The following PGBD5 variants were observed in gnomAD, a reference collection of about 807,000 sequenced individuals.
The protein encoded by PGBD5 is piggyBac transposable element-derived protein 5.
PGBD5 carries 14 observed loss-of-function variants against 47.9 expected under a neutral mutation model. The observed-to-expected ratio is 0.29, with a 90% CI of 0.19 to 0.46. The LOEUF (loss-of-function observed/expected upper bound fraction) is 0.46. Ranked by LOEUF, PGBD5 falls within the 20% of genes least tolerant of loss-of-function variation. PGBD5 has a pLI of 1.00. For synonymous variants in PGBD5, 316 were observed against 306.3 expected, an observed-to-expected ratio of 1.03 and a Z score of -0.33; for missense variants, 635 against 716.0, an observed-to-expected ratio of 0.89 and a Z score of 1.29.
intron 5 of PGBD5, among the ~76,000 whole-genome samples, chr1:230,327,187 G>T (rs2102811846): frequency 6.6e-6 from 1 of 152,190 alleles, no homozygotes; most frequent in South Asian, 2.1e-4. Flanking sequence ...CAGCAGCAAG[G>T]GACTATGGGC....
At chr1:230,331,742 C>T (rs1034342250) in intron 5 of PGBD5, among the ~76,000 whole-genome samples, 29 of 151,650 alleles carry the variant, frequency 1.9e-4, no homozygotes, top group African/African-American at 5.8e-4. Flanking sequence ...CAATGTCCTG[C>T]CACAGCCCCT....
intron 1 of PGBD5, among the ~76,000 whole-genome samples, chr1:230,396,191 C>A (rs1207274704): frequency 9.9e-6 from 1 of 101,362 alleles, no homozygotes; most frequent in Non-Finnish European, 1.9e-5. Context: ...TTCCTTTTTA[C>A]CCCCCCACTC....
chr1:230,414,764 G>A (rs1336079007), intron 1 of PGBD5, among the ~76,000 whole-genome samples: 3 of 152,186 alleles, frequency 2.0e-5, no homozygotes, highest in Non-Finnish European at 4.4e-5. Context: ...ATTCACCTTC[G>A]ATGCTGGGAC....
rs1024584305 is a variant in PGBD5, at chr1:230,357,865, A to G, written c.332-544T>C. ...AAAATTAAAATGTGCATATTTATAC[A>G]TATAAATTAAAAGCACTGTCTGCCA... On this transcript the variant is annotated intron_variant, in intron 1 of 6. Coordinates refer to ENST00000391860, the MANE Select transcript of PGBD5 (RefSeq NM_001258311.2). This position sits in a 1 kb window ranked among gnomAD's most constrained non-coding sequence, Gnocchi z 5.7. Among the ~76,000 whole-genome samples the G allele has an allele frequency of 6.6e-6, 1 of 152,186 alleles. No homozygotes were observed. Among genetic ancestry groups the G allele is most frequent in the Non-Finnish European group, 1.5e-5 (1 of 68,032 alleles).
At chr1:230,382,339 G>C (rs954237205) in intron 1 of PGBD5, among the ~76,000 whole-genome samples, 5 of 152,190 alleles carry the variant, frequency 3.3e-5, no homozygotes, top group African/African-American at 1.2e-4. Flanking sequence ...CCTAATGATG[G>C]AATTTCAGGA....
At chr1:230,362,370 C>A (rs200405527) in intron 1 of PGBD5, 425 of 1,365,642 alleles carry the variant, frequency 3.1e-4, no homozygotes, top group Non-Finnish European at 3.8e-4. Flanking sequence ...GCTGTCGCTG[C>A]CTCTGGCCTG....
chr1:230,323,917 G>A lies in PGBD5; in HGVS notation c.1380-297C>T, dbSNP rs1667076051. 6.6e-6 allele frequency among the ~76,000 whole-genome samples: 1 copy of A among 152,336 alleles called. No homozygotes were observed. The highest frequency in any genetic ancestry group is 2.1e-4 in the South Asian group (1 of 4,828). On this transcript the variant is annotated intron_variant, in intron 6 of 6. Coordinates refer to ENST00000391860, the MANE Select transcript of PGBD5 (RefSeq NM_001258311.2). The surrounding 1 kb of genome is among the most constrained non-coding windows in gnomAD (Gnocchi z 4.1). ...TGGCGCACAGCCCCGGAGTGGACAG[G>A]CGCCTGCCAGCCTCTCCAGCTTCCC...
At chr1:230,390,704 C>T (rs1367046303) in intron 1 of PGBD5, among the ~76,000 whole-genome samples, 1 of 152,104 alleles carries the variant, frequency 6.6e-6, no homozygotes, top group African/African-American at 2.4e-5. Context: ...AAGAAGCCCA[C>T]TTGTTGGGTG....
At chr1:230,354,876 A>G (rs997748812) in intron 2 of PGBD5, among the ~76,000 whole-genome samples, 2 of 152,238 alleles carry the variant, frequency 1.3e-5, no homozygotes, top group Non-Finnish European at 2.9e-5. Context: ...TCCCAAATAC[A>G]GTAAAATAAA....
intron 1 of PGBD5, among the ~76,000 whole-genome samples, chr1:230,383,169 G>T (rs188980477): frequency 6.6e-6 from 1 of 151,566 alleles, no homozygotes; most frequent in East Asian, 1.9e-4. Context: ...TCACAGGCTC[G>T]AGCAATCCTC....
chr1:230,343,562 C>A (rs1667437396), intron 3 of PGBD5, among the ~76,000 whole-genome samples: 2 of 152,216 alleles, frequency 1.3e-5, no homozygotes, highest in South Asian at 4.1e-4. Context: ...CTCAGCCAAT[C>A]CCATCCTCAA....
intron 1 of PGBD5, among the ~76,000 whole-genome samples, chr1:230,408,500 A>G (rs1285286134): frequency 6.6e-6 from 1 of 152,214 alleles, no homozygotes; most frequent in Non-Finnish European, 1.5e-5. Flanking sequence ...ATGACTGTAG[A>G]GCAATACATA....
chr1:230,352,772 T>C (rs1023369369), intron 2 of PGBD5, among the ~76,000 whole-genome samples: 1 of 152,022 alleles, frequency 6.6e-6, no homozygotes, highest in Admixed American at 6.6e-5. Context: ...TTTGGAACTA[T>C]TCAAGTGCAA....
intron 2 of PGBD5, among the ~76,000 whole-genome samples, chr1:230,352,090 G>A (rs1006804628): frequency 1.1e-4 from 13 of 117,670 alleles, no homozygotes; most frequent in African/African-American, 4.7e-4. Flanking sequence ...AACTCTACAC[G>A]ATGCCCTAGA....
chr1:230,402,637 T>G (rs1215162001), intron 1 of PGBD5, among the ~76,000 whole-genome samples: 1 of 152,100 alleles, frequency 6.6e-6, no homozygotes, highest in African/African-American at 2.4e-5. Flanking sequence ...AAATTTTTTG[T>G]AGAGATTTTG....
chr1:230,392,154 C>A (rs1264813992), intron 1 of PGBD5, among the ~76,000 whole-genome samples: 1 of 152,184 alleles, frequency 6.6e-6, no homozygotes, highest in African/African-American at 2.4e-5. Context: ...GGGGCTGATC[C>A]CCAGCTGCCA....
In PGBD5 at chr1:230,387,683, G is replaced by A. The variant is rs186710567; in HGVS notation, c.332-30362C>T. Among the ~76,000 whole-genome samples the A allele has an allele frequency of 3.3e-5, 5 of 152,262 alleles. No individual in the cohort carries two copies. In the East Asian group the frequency reaches 9.7e-4, roughly 29 times the overall value. On this transcript the variant is annotated intron_variant, in intron 1 of 6. Transcript: ENST00000391860. ...TAGAAGGGTGGTGATTCGGGTTAAG[G>A]AGGTCCACAGCCCCCAGGGAAGAAG...
At chr1:230,412,458 G>C (rs1315150613) in intron 1 of PGBD5, among the ~76,000 whole-genome samples, 1 of 141,412 alleles carries the variant, frequency 7.1e-6, no homozygotes, top group East Asian at 2.1e-4. Context: ...GCGTGATCTT[G>C]GCTCACTGCA....
chr1:230,326,128 C>T (rs1445013707), intron 5 of PGBD5, among the ~76,000 whole-genome samples: 1 of 152,242 alleles, frequency 6.6e-6, no homozygotes, highest in Non-Finnish European at 1.5e-5. Flanking sequence ...TTTAAAAAAG[C>T]AAAAGGAGGC....
Sources: allele counts gnomAD v4.1 joint callset (sites outside exome capture counted in the v4.1 genomes callset), GRCh38; gene constraint gnomAD v4.1.1; non-coding constraint Gnocchi (gnomAD v3.1); transcripts MANE v1.5; gene names NCBI Gene and HGNC (gene_info 2026-07-23, HGNC 2026-07-21).